AFF4: variants seen among roughly 807,000 people sequenced by gnomAD.
AFF4 encodes AF4/FMR2 family member 4.
Under a neutral mutation model 124.8 loss-of-function variants are expected in AFF4, and 13 were observed. The ratio of observed to expected loss-of-function variants is 0.10; its 90% CI spans 0.07 to 0.17. The LOEUF is 0.17. AFF4 is among the 10% of genes least tolerant of loss of function. AFF4 has a pLI of 1.00. For synonymous variants in AFF4, 477 were observed against 496.1 expected, an observed-to-expected ratio of 0.96 and a Z score of 0.51; for missense variants, 1,092 against 1,403.8, an observed-to-expected ratio of 0.78 and a Z score of 3.55.
chr5:132,937,056 G>A lies in AFF4; in HGVS notation c.123+11C>T, dbSNP rs1303288282. ...TAATGGGAAAAAAACATTCACAGAA[G>A]GGCAACTTACAACTTTGTATGGCTC... On this transcript the variant is annotated intron_variant, in intron 2 of 20. Transcript: ENST00000265343. The A allele has an allele frequency of 6.3e-7, 1 of 1,589,474 alleles. No homozygotes were observed. The highest frequency in any genetic ancestry group is 8.6e-7 in the Non-Finnish European group (1 of 1,163,654).
chr5:132,889,167 C>A lies in AFF4; in HGVS notation c.2644G>T (p.Ala882Ser), dbSNP rs772993130. Reference sequence around the variant, plus strand: ...GGACAGTTAGAGGAGCTACTTGGAGCCTTTTCCTGACCAAAAAAATATATA... The same window carrying A: ...GGACAGTTAGAGGAGCTACTTGGAGACTTTTCCTGACCAAAAAAATATATA... ...SSSSKEVKEK[A>S]PSSSSNCPPS... Residue 882 changes from alanine to serine, a missense_variant, in exon 14 of 21, where the codon GCT (alanine) becomes TCT (serine). By Grantham distance (99) the Ala-to-Ser change is moderately conservative. Around this residue, in one of 11 missense-constraint regions of AFF4, gnomAD observed 293 missense variants for 280.2 expected, o/e 1.05. Coordinates refer to ENST00000265343, the MANE Select transcript of AFF4 (RefSeq NM_014423.4). 1.9e-6 allele frequency: 3 copies of A among 1,612,446 alleles called. No homozygotes were observed. Among genetic ancestry groups the A allele is most frequent in the Non-Finnish European group, 2.5e-6 (3 of 1,178,802 alleles).
At chr5:132,913,451 C>T (rs145015365) in intron 5 of AFF4, among the ~76,000 whole-genome samples, 122 of 151,868 alleles carry the variant, frequency 8.0e-4, no homozygotes, top group African/African-American at 2.7e-3. Flanking sequence ...CAGCAGAATA[C>T]GCTTCTTTTT....
intron 11 of AFF4, among the ~76,000 whole-genome samples, chr5:132,893,388 G>A (rs985568543): frequency 7.2e-5 from 11 of 152,138 alleles, no homozygotes; most frequent in Non-Finnish European, 1.5e-4. Context: ...GGTAGTATCT[G>A]TGAAATTATA....
At chr5:132,901,039 G>T (rs937193759) in intron 7 of AFF4, 24 of 985,280 alleles carry the variant, frequency 2.4e-5, no homozygotes, top group Non-Finnish European at 2.9e-5. Flanking sequence ...GTAACCAGAT[G>T]ATTTTTAAGA....
At chr5:132,915,157 C>A (rs1760879342) in intron 5 of AFF4, among the ~76,000 whole-genome samples, 1 of 151,942 alleles carries the variant, frequency 6.6e-6, no homozygotes, top group South Asian at 2.1e-4. Context: ...CTGGCTAACA[C>A]AGTGAAACCC....
chr5:132,936,942 A>G lies in AFF4; in HGVS notation c.123+125T>C, dbSNP rs73788234. Reference sequence around the variant, plus strand: ...AAAAAATATCTTCTATGTAAAGGACAGGAAAAAAATGTTAAGTGGTATTCA... The same window carrying G: ...AAAAAATATCTTCTATGTAAAGGACGGGAAAAAAATGTTAAGTGGTATTCA... On this transcript the variant is annotated intron_variant, in intron 2 of 20. Transcript: ENST00000265343. 3.5e-4 allele frequency: 451 copies of G among 1,287,722 alleles called. 2 individuals carry two copies. In the African/African-American group the frequency reaches 6.0e-3, roughly 17 times the overall value. The allele number at this position is 1,287,722 out of a possible 1,614,324, so 79.8% of individuals were successfully genotyped here.
intron 8 of AFF4, among the ~76,000 whole-genome samples, 171 bp from the exon 9 acceptor site, chr5:132,899,312 G>C (rs1760489273): frequency 6.6e-6 from 1 of 152,032 alleles, no homozygotes; most frequent in Non-Finnish European, 1.5e-5. Context: ...GCCAGAATAA[G>C]ATCAAAAGCT....
At chr5:132,899,711 T>A in intron 7 of AFF4, 70 bp from the exon 8 acceptor site, 1 of 1,367,642 alleles carries the variant, frequency 7.3e-7, no homozygotes, top group Non-Finnish European at 1.0e-6. Context: ...ACTAAATATC[T>A]ACTAAAAATT....
At chr5:132,905,934 A>G (rs192001094) in intron 5 of AFF4, among the ~76,000 whole-genome samples, 1 of 152,348 alleles carries the variant, frequency 6.6e-6, no homozygotes, top group African/African-American at 2.4e-5. Flanking sequence ...TTACAATTCA[A>G]TAACAAGACA....
rs574567133 is a variant in AFF4 at position 132,932,166 on chromosome 5, T to A, written c.963+12A>T. ...TTAAAGAAATTGAAATGATTTTTTT[T>A]AAAAAACTTACTTTTAGGATTTCAT... On this transcript the variant is annotated intron_variant, in intron 4 of 20. Coordinates refer to ENST00000265343, the MANE Select transcript of AFF4 (RefSeq NM_014423.4). 143 of 1,577,142 alleles carry A rather than the reference T, an allele frequency of 9.1e-5. No individual in the cohort carries two copies. The Middle Eastern group carries it at 1.4e-3, about 15-fold the overall frequency.
rs537484814 is a variant in AFF4 at position 132,940,846 on chromosome 5, G to A, written c.-4-3653C>T. On this transcript the variant is annotated intron_variant, in intron 1 of 20. Coordinates refer to ENST00000265343, the MANE Select transcript of AFF4 (RefSeq NM_014423.4). The stretch of plus-strand genomic sequence containing the variant: ...ATTCAAGACCAGCCTGGCCAACACG[G>A]TGAAACCCCATCTCCACCAAAAATA... Among the ~76,000 whole-genome samples, 6 of 152,150 alleles carry A rather than the reference G, an allele frequency of 3.9e-5. No homozygotes were observed. In the East Asian group the frequency reaches 5.8e-4, roughly 15 times the overall value.
chr5:132,887,755 A>C, intron 16 of AFF4, 91 bp downstream of exon 16: 1 of 1,541,850 alleles, frequency 6.5e-7, no homozygotes, highest in Admixed American at 1.8e-5. Context: ...AGGATTATAC[A>C]CCCTCTTCAG....
At chr5:132,945,480 G>C (rs1040382714) in intron 1 of AFF4, 1 of 152,330 alleles carries the variant, frequency 6.6e-6, no homozygotes, top group Non-Finnish European at 1.5e-5. Context: ...CACTGGGCAT[G>C]GTGGGTCACG....
chr5:132,902,512 C>G, intron 6 of AFF4, 25 bp from the exon 7 acceptor site: 3 of 1,563,944 alleles, frequency 1.9e-6, no homozygotes, highest in Non-Finnish European at 2.6e-6. Context: ...ATGAAGTGAG[C>G]AACTAAAGGA....
chr5:132,939,216 C>CAAA lies in AFF4; in HGVS notation c.-4-2026_-4-2024dup, dbSNP rs33952107. Among the ~76,000 whole-genome samples the CAAA allele has an allele frequency of 1.1e-3, 130 of 122,990 alleles. 1 individual carries two copies. The highest frequency in any genetic ancestry group is 4.1e-3 in the Middle Eastern group (1 of 246). The allele number at this position is 122,990 out of a possible 152,430, so 80.7% of individuals were successfully genotyped here. On this transcript the variant is annotated intron_variant, in intron 1 of 20. Coordinates refer to ENST00000265343, the MANE Select transcript of AFF4 (RefSeq NM_014423.4). ...TGGGAGACAGAACGAGACCCTTTCT[C>CAAA]AAAAAAAAAAAAAAAAGAATGTTCT...
In AFF4 at chr5:132,934,564, G is replaced by C. The variant is rs745819290; in HGVS notation, c.501C>G (p.Gly167=). 9 of 1,614,090 alleles carry C rather than the reference G, an allele frequency of 5.6e-6. No homozygotes were observed. In the South Asian group the frequency reaches 8.8e-5, roughly 16 times the overall value. The part of the protein sequence containing the change: ...NNSGSSSRKK[G]QHGSEHSKSR... ...ATTTGGAGTGTTCTGATCCATGCTG[G>C]CCTTTTTTCCGGCTACTGCTCCCAC... The change falls in exon 3 of 21, where the codon GGC becomes GGG. Residue 167 remains glycine (G), a synonymous_variant. Coordinates refer to ENST00000265343, the MANE Select transcript of AFF4 (RefSeq NM_014423.4).
In AFF4 at chr5:132,888,085, A is replaced by G; in HGVS notation, c.2796+12T>C. On this transcript the variant is annotated intron_variant, in intron 15 of 20. Coordinates refer to ENST00000265343, the MANE Select transcript of AFF4 (RefSeq NM_014423.4). Reference sequence around the variant, plus strand: ...GATTAAATACGTAAGTGTAAGGAGAATATCTACATACCAATGCATCTGCAT... The same window carrying G: ...GATTAAATACGTAAGTGTAAGGAGAGTATCTACATACCAATGCATCTGCAT... The G allele has an allele frequency of 6.2e-7, 1 of 1,609,124 alleles. No homozygotes were observed. The highest frequency in any genetic ancestry group is 8.5e-7 in the Non-Finnish European group (1 of 1,176,282).
At chr5:132,906,210 A>G (rs1235556765) in intron 5 of AFF4, among the ~76,000 whole-genome samples, 1 of 152,218 alleles carries the variant, frequency 6.6e-6, no homozygotes, top group Admixed American at 6.5e-5. Flanking sequence ...AGTTCCTCAA[A>G]TAAGTAAACA....
intron 13 of AFF4, among the ~76,000 whole-genome samples, chr5:132,890,134 T>G (rs1393823141): frequency 6.6e-6 from 1 of 151,434 alleles, no homozygotes; most frequent in Non-Finnish European, 1.5e-5. Flanking sequence ...TAATTTTACT[T>G]TACCTATTTA....
Sources: gnomAD v4.1 joint callset for allele counts (sites outside exome capture counted in the v4.1 genomes callset) on GRCh38, gnomAD v4.1.1 for gene constraint, gnomAD v4.1.1 regional missense constraint, MANE v1.5 for transcripts, NCBI Gene and HGNC (gene_info 2026-07-23, HGNC 2026-07-21) for gene names.